RANBP2: variants seen among roughly 807,000 people sequenced by gnomAD.
The protein encoded by RANBP2 is E3 SUMO-protein ligase RanBP2.
RANBP2 carries 57 observed loss-of-function variants against 303.6 expected under a neutral mutation model. The ratio of observed to expected loss-of-function variants is 0.19; its 90% CI spans 0.15 to 0.23. RANBP2 has a LOEUF of 0.23. Among genes scored for constraint, RANBP2 ranks in the 10% least tolerant of loss-of-function variants. The probability of loss-of-function intolerance (pLI) is 1.00; values close to 1 mark genes in which losing one functional copy is unlikely to be tolerated. For synonymous variants in RANBP2, 1,167 were observed against 1,301.5 expected, an observed-to-expected ratio of 0.90 and a Z score of 2.23; for missense variants, 3,138 against 3,780.8, an observed-to-expected ratio of 0.83 and a Z score of 4.46.
the RANBP2 span, among the ~76,000 whole-genome samples, chr2:109,073,247 A>C: frequency 6.6e-6 from 1 of 152,212 alleles, no homozygotes. Context: ...ACGGAGCTGA[A>C]GAATATAATA....
the RANBP2 span, among the ~76,000 whole-genome samples, chr2:108,811,062 G>A: frequency 3.7e-4 from 56 of 150,440 alleles, no homozygotes; most frequent in African/African-American, 1.3e-3. Context: ...CGATTTTTCC[G>A]ATTTTATCTG....
the RANBP2 span, among the ~76,000 whole-genome samples, chr2:109,238,159 G>A: frequency 2.8e-3 from 423 of 152,082 alleles, 4 homozygotes; most frequent in African/African-American, 9.8e-3. Context: ...ATGATCATGC[G>A]GGTGCACTCT....
At chr2:109,643,006 CT>C in the RANBP2 span, among the ~76,000 whole-genome samples, 1 of 152,008 alleles carries the variant, frequency 6.6e-6, no homozygotes. Context: ...GAGACCCTGT[CT>C]CTACTAAAAT....
the RANBP2 span, among the ~76,000 whole-genome samples, chr2:109,572,782 A>C: frequency 6.6e-6 from 1 of 151,148 alleles, no homozygotes; most frequent in South Asian, 2.1e-4. Context: ...ATGCCTGGCT[A>C]ATTTTTGTAT....
the RANBP2 span, among the ~76,000 whole-genome samples, chr2:109,210,749 G>A: frequency 1.3e-5 from 2 of 152,198 alleles, no homozygotes; most frequent in Non-Finnish European, 2.9e-5. Context: ...AGGAAAGGGA[G>A]AAATGCTGTG....
At chr2:109,200,959 C>A in the RANBP2 span, among the ~76,000 whole-genome samples, 1 of 152,176 alleles carries the variant, frequency 6.6e-6, no homozygotes. Context: ...CCGGGGCCCA[C>A]CCACACTGGC....
chr2:108,985,493 T>C, the RANBP2 span, among the ~76,000 whole-genome samples: 2 of 152,230 alleles, frequency 1.3e-5, no homozygotes, highest in Admixed American at 6.5e-5. Context: ...CTGTTTTCCA[T>C]AGTCCTCTGT....
At chr2:109,094,056 A>G in the RANBP2 span, among the ~76,000 whole-genome samples, 2 of 152,252 alleles carry the variant, frequency 1.3e-5, no homozygotes, top group Non-Finnish European at 2.9e-5. Context: ...GTGTGTAATA[A>G]CTAGTTAGGA....
At chr2:109,224,567 A>G in the RANBP2 span, among the ~76,000 whole-genome samples, 2 of 152,300 alleles carry the variant, frequency 1.3e-5, no homozygotes, top group Admixed American at 1.3e-4. Context: ...GGCTTTTAAA[A>G]TTTCATTTTG....
chr2:109,491,728 G>C, the RANBP2 span, among the ~76,000 whole-genome samples: 1 of 152,146 alleles, frequency 6.6e-6, no homozygotes, highest in African/African-American at 2.4e-5. Flanking sequence ...AGGTTAGGAT[G>C]GTAGAAAGAT....
the RANBP2 span, among the ~76,000 whole-genome samples, chr2:109,112,146 C>T: frequency 2.0e-5 from 3 of 151,388 alleles, no homozygotes; most frequent in African/African-American, 7.3e-5. Context: ...GGGTATATAC[C>T]CAGTAATGGG....
chr2:109,408,063 C>A, the RANBP2 span, among the ~76,000 whole-genome samples: 2 of 152,160 alleles, frequency 1.3e-5, no homozygotes, highest in African/African-American at 4.8e-5. Flanking sequence ...TGGAGAGCAT[C>A]CGGGAGCTCT....
At chr2:109,134,209 C>T in the RANBP2 span, among the ~76,000 whole-genome samples, 1 of 152,116 alleles carries the variant, frequency 6.6e-6, no homozygotes, top group Admixed American at 6.5e-5. Context: ...GATATTTGGG[C>T]AAGTCAGAGA....
At chr2:109,298,120 G>A in the RANBP2 span, among the ~76,000 whole-genome samples, 1 of 152,182 alleles carries the variant, frequency 6.6e-6, no homozygotes, top group African/African-American at 2.4e-5. Context: ...ATGCAGAGGT[G>A]AATAGGGCAT....
At chr2:109,774,649 A>G in the RANBP2 span, among the ~76,000 whole-genome samples, 1 of 62,930 alleles carries the variant, frequency 1.6e-5, no homozygotes, top group Admixed American at 2.8e-4. Context: ...CAGAATGAAT[A>G]GTATATTGTG....
At chr2:108,975,640 G>T in the RANBP2 span, among the ~76,000 whole-genome samples, 3 of 152,284 alleles carry the variant, frequency 2.0e-5, no homozygotes, top group East Asian at 5.8e-4. Context: ...CTAAAATAGA[G>T]CCGGGGGAAC....
At chr2:109,732,181 T>C in the RANBP2 span, among the ~76,000 whole-genome samples, 2 of 152,136 alleles carry the variant, frequency 1.3e-5, no homozygotes, top group Admixed American at 1.3e-4. Flanking sequence ...CTATTCTTTA[T>C]TCCCTTTTGA....
At chr2:109,700,351 T>C in the RANBP2 span, among the ~76,000 whole-genome samples, 1,410 of 152,272 alleles carry the variant, frequency 9.3e-3, 32 homozygotes, top group African/African-American at 0.031. Context: ...CCTAAGGTGG[T>C]TGGGGCACAG....
chr2:108,919,602 C>T, the RANBP2 span, among the ~76,000 whole-genome samples: 5 of 152,168 alleles, frequency 3.3e-5, no homozygotes, highest in Admixed American at 3.3e-4. Context: ...AGATGATCTG[C>T]CTGCTTAGGC....
Sources: allele counts gnomAD v4.1 joint callset (sites outside exome capture counted in the v4.1 genomes callset), GRCh38; gene constraint gnomAD v4.1.1; transcripts MANE v1.5; gene names NCBI Gene and HGNC (gene_info 2026-07-23, HGNC 2026-07-21).